The following SGO2 variants were observed in gnomAD, a reference collection of about 807,000 sequenced individuals.
SGO2 encodes the protein shugoshin 2.
Under a neutral mutation model 99.5 loss-of-function variants are expected in SGO2, and 68 were observed. That is an observed-to-expected ratio of 0.68 (90% CI 0.56 to 0.84). The LOEUF is 0.84. Ranked by LOEUF, SGO2 falls within the 40% of genes least tolerant of loss-of-function variation. The probability of loss-of-function intolerance (pLI) is 0.00; values close to 1 mark genes in which losing one functional copy is unlikely to be tolerated. For synonymous variants in SGO2, 457 were observed against 487.1 expected (o/e 0.94, Z 0.81); for missense variants, 1,350 against 1,436.7 (o/e 0.94, Z 0.97).
At chr2:200,568,755 C>A (rs775115665) in intron 5 of SGO2, among the ~76,000 whole-genome samples, 2 of 152,178 alleles carry the variant, frequency 1.3e-5, no homozygotes, top group Non-Finnish European at 2.9e-5. Flanking sequence ...AGTGTTGGCA[C>A]CCCCTTCGCT....
intron 5 of SGO2, among the ~76,000 whole-genome samples, chr2:200,559,155 CTTATG>C (rs998236481): frequency 3.9e-5 from 6 of 152,000 alleles, no homozygotes; most frequent in African/African-American, 1.2e-4. Flanking sequence ...CTTATTTCTT[CTTATG>C]TTAGGTTTGT....
intron 5 of SGO2, among the ~76,000 whole-genome samples, chr2:200,569,299 G>A (rs969025233): frequency 6.6e-6 from 1 of 151,954 alleles, no homozygotes; most frequent in African/African-American, 2.4e-5. Context: ...GAAGATTTTT[G>A]GGTATTACAT....
rs1478549295 is a variant in SGO2 at position 200,526,691 on chromosome 2, G to C, written c.-3+439G>C. Among the ~76,000 whole-genome samples the C allele has an allele frequency of 6.6e-6, 1 of 152,122 alleles. No homozygotes were observed. The highest frequency in any genetic ancestry group is 1.5e-5 in the Non-Finnish European group (1 of 68,018). On this transcript the variant is annotated intron_variant, in intron 1 of 8. Transcript: ENST00000357799. This position sits in a 1 kb window ranked among gnomAD's most constrained non-coding sequence, Gnocchi z 4.8. ...GCTGGCTGAAGGCGAAGGGGTGATG[G>C]AAGACTAGGGAGAACTTGGAACTTA...
chr2:200,573,645 T>G lies in SGO2; in HGVS notation c.3299T>G (p.Leu1100Arg), dbSNP rs764321351. The part of the protein sequence containing the change: ...PESHEVMERI[L>R]DSVQGKSTVS... Reference sequence around the variant, plus strand: ...AGCCATGAAGTAATGGAAAGAATACTTGACAGCGTTCAGGGAAAGTCTACT... The same window carrying G: ...AGCCATGAAGTAATGGAAAGAATACGTGACAGCGTTCAGGGAAAGTCTACT... Residue 1100 changes from leucine to arginine, a missense_variant, in exon 7 of 9, where the codon CTT becomes CGT. Coordinates refer to ENST00000357799, the MANE Select transcript of SGO2 (RefSeq NM_152524.6). 1.2e-6 allele frequency: 2 copies of G among 1,613,226 alleles called. No individual in the cohort carries two copies. Among genetic ancestry groups the G allele is most frequent in the East Asian group, 2.2e-5 (1 of 44,840 alleles).
At position 200,535,085 on chromosome 2, in the gene SGO2, A is replaced by G; in HGVS notation, c.223A>G (p.Ile75Val). The G allele has an allele frequency of 1.9e-6, 3 of 1,567,944 alleles. No homozygotes were observed. Among genetic ancestry groups the G allele is most frequent in the Non-Finnish European group, 2.6e-6 (3 of 1,165,322 alleles). Reference sequence around the variant, plus strand: ...TAGAGAAAAAGAGAATTCTCGAAGAATTACAACTGAAAAGATGCTATTGCA... The same window carrying G: ...TAGAGAAAAAGAGAATTCTCGAAGAGTTACAACTGAAAAGATGCTATTGCA... ...LSREKENSRRITTEKMLLQKE... is the reference protein window; with the variant it reads ...LSREKENSRRVTTEKMLLQKE... Residue 75 changes from isoleucine to valine, a missense_variant, in exon 3 of 9, where the codon ATT (isoleucine) becomes GTT (valine). Physicochemically the swap from Ile to Val is conservative, Grantham distance 29. Transcript: ENST00000357799.
chr2:200,551,719 A>T (rs1214129315), intron 5 of SGO2, among the ~76,000 whole-genome samples: 1 of 151,892 alleles, frequency 6.6e-6, no homozygotes, highest in Non-Finnish European at 1.5e-5. Context: ...TAGGTATCTT[A>T]CTGACCTTGT....
chr2:200,568,763 G>A lies in SGO2; in HGVS notation c.474-900G>A, dbSNP rs947279137. Among the ~76,000 whole-genome samples the A allele has an allele frequency of 2.0e-5, 3 of 152,156 alleles. No homozygotes were observed. In the East Asian group the frequency reaches 5.8e-4, roughly 29 times the overall value. On this transcript the variant is annotated intron_variant, in intron 5 of 8. Coordinates refer to ENST00000357799, the MANE Select transcript of SGO2 (RefSeq NM_152524.6). Reference sequence around the variant, plus strand: ...TCTTCCAAGTGTTGGCACCCCCTTCGCTAGCTCTCTACTTGCTTTTTGTCC... The same window carrying A: ...TCTTCCAAGTGTTGGCACCCCCTTCACTAGCTCTCTACTTGCTTTTTGTCC...
rs148253632 is a variant in SGO2 at position 200,580,096 on chromosome 2, G to C, written c.3783-3353G>C. Among the ~76,000 whole-genome samples the C allele has an allele frequency of 8.2e-3, 1,244 of 152,120 alleles. 14 individuals carry two copies. The highest frequency in any genetic ancestry group is 0.027 in the African/African-American group (1,141 of 41,532). The stretch of plus-strand genomic sequence containing the variant: ...TCCTTAATAACGTTGACTGTTTTTT[G>C]TGTGTATGAAAATTAGTCTGTTTAA... On this transcript the variant is annotated intron_variant, in intron 8 of 8. Transcript: ENST00000357799.
intron 5 of SGO2, among the ~76,000 whole-genome samples, chr2:200,552,428 TA>T (rs998448178): frequency 2.0e-5 from 3 of 152,154 alleles, no homozygotes; most frequent in African/African-American, 7.2e-5. Flanking sequence ...AGTTAAGGAA[TA>T]AAGAATGGCT....
chr2:200,576,444 C>T (rs1048613420), intron 8 of SGO2, among the ~76,000 whole-genome samples: 2 of 151,914 alleles, frequency 1.3e-5, no homozygotes, highest in South Asian at 2.1e-4. Context: ...GGCATGGTGG[C>T]GTGCGCCTGT....
rs2033911103 is a variant in SGO2 at position 200,583,753 on chromosome 2, T to A, written c.*289T>A. 1 of 218,232 alleles carries A rather than the reference T, an allele frequency of 4.6e-6. No individual in the cohort carries two copies. Among genetic ancestry groups the A allele is most frequent in the African/African-American group, 2.3e-5 (1 of 43,804 alleles). The allele number at this position is 218,232 out of a possible 1,614,324, so 13.5% of individuals were successfully genotyped here. A position where few individuals can be genotyped will look rare whatever the true frequency, so the allele number is the denominator to read the frequency against. ...AGTAGCCTTTAACCAAACAATAACC[T>A]TTTAACCAAATAAAATGTGTTAATA... is the stretch of plus-strand genomic sequence containing the variant. On this transcript the variant is annotated 3_prime_UTR_variant, in exon 9 of 9. Coordinates refer to ENST00000357799, the MANE Select transcript of SGO2 (RefSeq NM_152524.6).
chr2:200,573,990 C>A lies in SGO2; in HGVS notation c.3631+13C>A. 6.6e-7 allele frequency: 1 copy of A among 1,524,732 alleles called. No individual in the cohort carries two copies. The highest frequency in any genetic ancestry group is 8.7e-7 in the Non-Finnish European group (1 of 1,143,406). The allele number at this position is 1,524,732 out of a possible 1,614,324, so 94.5% of individuals were successfully genotyped here. A position where few individuals can be genotyped will look rare whatever the true frequency, so the allele number is the denominator to read the frequency against. On this transcript the variant is annotated intron_variant, in intron 7 of 8. Coordinates refer to ENST00000357799, the MANE Select transcript of SGO2 (RefSeq NM_152524.6). Reference sequence around the variant, plus strand: ...AAATCAGGAATAGGTAGGTTAATAACCATTATGAAATGATAAAGTTTTAGA... The same window carrying A: ...AAATCAGGAATAGGTAGGTTAATAAACATTATGAAATGATAAAGTTTTAGA...
intron 7 of SGO2, among the ~76,000 whole-genome samples, chr2:200,574,507 T>C (rs931679377): frequency 2.0e-5 from 3 of 152,128 alleles, no homozygotes; most frequent in Non-Finnish European, 2.9e-5. Context: ...TAAACGATTC[T>C]TTAAGCACAT....
At chr2:200,554,218 G>A (rs1302519239) in intron 5 of SGO2, among the ~76,000 whole-genome samples, 2 of 152,136 alleles carry the variant, frequency 1.3e-5, no homozygotes, top group East Asian at 3.8e-4. Context: ...TTTAAAAGCT[G>A]TAAATAGCTC....
At chr2:200,532,670 GTCTGTACC>G (rs1414802201) in intron 1 of SGO2, among the ~76,000 whole-genome samples, 1 of 151,924 alleles carries the variant, frequency 6.6e-6, no homozygotes, top group East Asian at 1.9e-4. Context: ...TGAAAACACT[GTCTGTACC>G]CGCATTGTAC....
Position 200,572,117 on chromosome 2 carries a change from G to T in SGO2, c.1771G>T (p.Asp591Tyr), listed in dbSNP as rs1460507022. 1.2e-6 allele frequency: 2 copies of T among 1,612,592 alleles called. No homozygotes were observed. The highest frequency in any genetic ancestry group is 1.7e-5 in the Admixed American group (1 of 59,836). ...LCDYGTHNIL[D>Y]LKKYVTDIQP... ...TGATTATGGGACCCACAATATATTG[G>T]ATTTGAAAAAGTATGTCACTGATAT... Residue 591 changes from aspartate (D) to tyrosine (Y), a missense_variant, in exon 7 of 9, where the codon GAT (aspartate) becomes TAT (tyrosine). Coordinates refer to ENST00000357799, the MANE Select transcript of SGO2 (RefSeq NM_152524.6).
At chr2:200,561,012 G>C (rs2032919180) in intron 5 of SGO2, among the ~76,000 whole-genome samples, 1 of 151,904 alleles carries the variant, frequency 6.6e-6, no homozygotes, top group Admixed American at 6.6e-5. Flanking sequence ...AAAGTTTATT[G>C]GTGTAAAGTT....
At chr2:200,558,858 A>G (rs1335058075) in intron 5 of SGO2, among the ~76,000 whole-genome samples, 1 of 150,048 alleles carries the variant, frequency 6.7e-6, no homozygotes, top group Non-Finnish European at 1.5e-5. Flanking sequence ...GCTAGAGTGC[A>G]GTGGTGCGAT....
At chr2:200,530,422 A>G (rs562674580) in intron 1 of SGO2, among the ~76,000 whole-genome samples, 83 of 152,360 alleles carry the variant, frequency 5.4e-4, no homozygotes, top group Non-Finnish European at 1.0e-3. Context: ...AATTTGATGC[A>G]TCTACTTTAG....
Sources: gnomAD v4.1 joint callset for allele counts (sites outside exome capture counted in the v4.1 genomes callset) on GRCh38, gnomAD v4.1.1 for gene constraint, Gnocchi (gnomAD v3.1) non-coding constraint, MANE v1.5 for transcripts, NCBI Gene and HGNC (gene_info 2026-07-23, HGNC 2026-07-21) for gene names.